The following PAK3 variants were observed in gnomAD, a reference collection of about 807,000 sequenced individuals.
The protein encoded by PAK3 is p21 (RAC1) activated kinase 3.
Under a neutral mutation model 41.0 loss-of-function variants are expected in PAK3, and 4 were observed. The ratio of observed to expected loss-of-function variants is 0.10; its 90% CI spans 0.05 to 0.22. The LOEUF is 0.22. Ranked by LOEUF, PAK3 falls within the 10% of genes least tolerant of loss-of-function variation. The pLI, the probability that PAK3 is intolerant of heterozygous loss-of-function variation, is 1.00. For synonymous variants in PAK3, 146 were observed against 139.6 expected (o/e 1.05, Z -0.32); for missense variants, 205 against 409.9 (o/e 0.50, Z 4.32).
intron 11 of PAK3, among the ~76,000 whole-genome samples, chrX:111,188,005 G>A (rs1029914329): frequency 1.0e-4 from 11 of 107,635 alleles, no homozygotes; most frequent in African/African-American, 3.7e-4. Flanking sequence ...TGGAGTAAGC[G>A]GGGAGGGGAG....
At chrX:111,217,679 A>T (rs1049891653) in intron 17 of PAK3, 2 of 709,465 alleles carry the variant, frequency 2.8e-6, no homozygotes, top group African/African-American at 4.7e-5. Flanking sequence ...TTCACAGGTT[A>T]TCATAGGGCC....
chrX:110,971,484 C>A (rs888566713), intron 1 of PAK3, among the ~76,000 whole-genome samples: 4 of 112,164 alleles, frequency 3.6e-5, no homozygotes, highest in African/African-American at 9.7e-5. Context: ...TTTATCCATT[C>A]ATCAGTTGAA....
rs749290617 is a variant in PAK3, at chrX:111,190,962, T to C, written c.831-1165T>C. On this transcript the variant is annotated intron_variant, in intron 11 of 17. Transcript: ENST00000372007. Reference sequence around the variant, plus strand: ...TGGTGGGAGGTGGTTTAGAATGCATTTGTGATTCATAGAAGGTTACTGTGA... The same window carrying C: ...TGGTGGGAGGTGGTTTAGAATGCATCTGTGATTCATAGAAGGTTACTGTGA... Among the ~76,000 whole-genome samples, 6 of 112,181 alleles carry C rather than the reference T, an allele frequency of 5.3e-5. No individual in the cohort carries two copies. The South Asian group carries it at 1.9e-3, about 35-fold the overall frequency.
intron 10 of PAK3, among the ~76,000 whole-genome samples, 172 bp downstream of exon 10, chrX:111,163,899 T>G (rs952605589): frequency 5.3e-5 from 6 of 112,286 alleles, no homozygotes; most frequent in Non-Finnish European, 1.1e-4. Flanking sequence ...ACTTTCTCCC[T>G]TCCACTCCTA....
intron 1 of PAK3, among the ~76,000 whole-genome samples, chrX:111,021,629 C>G (rs1602840582): frequency 9.0e-6 from 1 of 110,732 alleles, no homozygotes; most frequent in East Asian, 2.9e-4. Flanking sequence ...TTTAACACCC[C>G]CCAAAGATCA....
intron 1 of PAK3, among the ~76,000 whole-genome samples, chrX:111,048,228 A>G (rs1209610919): frequency 9.0e-6 from 1 of 111,104 alleles, no homozygotes; most frequent in Non-Finnish European, 1.9e-5. Flanking sequence ...ATTCCTTCTC[A>G]GTCTCCTTTG....
chrX:111,087,409 T>G (rs1259746963), intron 1 of PAK3, among the ~76,000 whole-genome samples: 1 of 74,247 alleles, frequency 1.3e-5, no homozygotes, highest in Non-Finnish European at 2.9e-5. Flanking sequence ...CTGTAAGAAG[T>G]TCTTGCATTA....
chrX:111,051,923 C>T (rs1354442074), intron 1 of PAK3, among the ~76,000 whole-genome samples: 4 of 112,230 alleles, frequency 3.6e-5, no homozygotes, highest in Non-Finnish European at 7.5e-5. Context: ...AATGGTTGAT[C>T]TTCCAAAAAC....
chrX:111,215,321 G>T (rs1249554966), intron 16 of PAK3, among the ~76,000 whole-genome samples: 1 of 111,434 alleles, frequency 9.0e-6, no homozygotes. Flanking sequence ...CACTTTGGGA[G>T]ACCGAGGTGG....
chrX:111,075,791 C>G (rs1167911922), intron 1 of PAK3, among the ~76,000 whole-genome samples: 2 of 112,745 alleles, frequency 1.8e-5, no homozygotes, highest in Non-Finnish European at 3.8e-5. Context: ...GCACTGGACT[C>G]CAACCCATCA....
chrX:110,984,848 G>C (rs1486964843), intron 1 of PAK3, among the ~76,000 whole-genome samples: 1 of 110,475 alleles, frequency 9.1e-6, no homozygotes, highest in East Asian at 2.9e-4. Flanking sequence ...TAACAAACAG[G>C]CTGGGTACAG....
At chrX:110,965,034 G>A (rs911355241) in intron 1 of PAK3, among the ~76,000 whole-genome samples, 2 of 111,913 alleles carry the variant, frequency 1.8e-5, no homozygotes, top group East Asian at 2.8e-4. Flanking sequence ...AGGTGCGGCC[G>A]CACTTGTTAT....
chrX:111,015,503 G>T (rs1043475241), intron 1 of PAK3, among the ~76,000 whole-genome samples: 1 of 111,096 alleles, frequency 9.0e-6, no homozygotes, highest in African/African-American at 3.3e-5. Context: ...TTATTGTTTT[G>T]TTTGCTTGAT....
At chrX:110,979,728 T>C (rs1418813739) in intron 1 of PAK3, among the ~76,000 whole-genome samples, 1 of 112,472 alleles carries the variant, frequency 8.9e-6, no homozygotes, top group Non-Finnish European at 1.9e-5. Context: ...TTCAAGACTT[T>C]TCCTCTTTTC....
rs995081942 is a variant in PAK3 at position 111,014,067 on chromosome X, C to T, written c.-28+69439C>T. 4.5e-5 allele frequency among the ~76,000 whole-genome samples: 5 copies of T among 112,179 alleles called. No homozygotes were observed. In the Admixed American group the frequency reaches 4.7e-4, roughly 11 times the overall value. On this transcript the variant is annotated intron_variant, in intron 1 of 14. Transcript: ENST00000425146. ...CCTTTGAAATGTTTCAAACATCTTT[C>T]CCTTTGCTAACCACTCCCACTTGCC...
intron 1 of PAK3, among the ~76,000 whole-genome samples, chrX:111,064,649 G>T (rs185257275): frequency 9.7e-4 from 109 of 112,367 alleles, no homozygotes; most frequent in Non-Finnish European, 3.4e-4. Context: ...TGGCTACATG[G>T]TATTCTATGG....
At chrX:111,213,130 C>G (rs189500572) in intron 16 of PAK3, among the ~76,000 whole-genome samples, 1 of 112,181 alleles carries the variant, frequency 8.9e-6, no homozygotes, top group East Asian at 2.8e-4. Flanking sequence ...CAGATCAACA[C>G]TAATCAACCA....
At chrX:111,080,361 A>G (rs917843903) in intron 1 of PAK3, among the ~76,000 whole-genome samples, 1 of 112,147 alleles carries the variant, frequency 8.9e-6, no homozygotes, top group Non-Finnish European at 1.9e-5. Context: ...AGGACCCTCC[A>G]TCAGCAAAAA....
At chrX:111,110,771 G>T (rs1027630912) in intron 4 of PAK3, among the ~76,000 whole-genome samples, 21 of 112,188 alleles carry the variant, frequency 1.9e-4, no homozygotes, top group Admixed American at 7.5e-4. Flanking sequence ...GACCTGTGGT[G>T]CCACTTGGCC....
Sources: gnomAD v4.1 joint callset for allele counts (sites outside exome capture counted in the v4.1 genomes callset) on GRCh38, gnomAD v4.1.1 for gene constraint, MANE v1.5 for transcripts, NCBI Gene and HGNC (gene_info 2026-07-23, HGNC 2026-07-21) for gene names.